The following ANKRD36C variants were observed in gnomAD, a reference collection of about 807,000 sequenced individuals.
ANKRD36C encodes ankyrin repeat domain 36C.
A neutral mutation model predicts 276.4 loss-of-function variants in ANKRD36C; 61 were observed. The ratio of observed to expected loss-of-function variants is 0.22; its 90% confidence interval spans 0.18 to 0.27. ANKRD36C has a LOEUF of 0.27. Ranked by LOEUF, ANKRD36C falls within the 10% of genes least tolerant of loss-of-function variation. The pLI, the probability that ANKRD36C is intolerant of heterozygous loss-of-function variation, is 1.00. For missense variants in ANKRD36C, 1,447 were observed against 2,032.3 expected (o/e 0.71, Z 5.54); for synonymous variants, 483 against 680.1 (o/e 0.71, Z 4.51).
At chr2:95,964,966 A>G (rs377429620) in intron 6 of ANKRD36C, among the ~76,000 whole-genome samples, 7 of 151,980 alleles carry the variant, frequency 4.6e-5, no homozygotes, top group East Asian at 3.9e-4. Context: ...TTTAACTCCA[A>G]TGACACTGCC....
At chr2:95,912,270 T>C (rs142909546) in exon 42 of ANKRD36C, 187 of 1,556,340 alleles carry the variant, frequency 1.2e-4, no homozygotes, top group Admixed American at 7.1e-4. Context: ...TCCATCCTTT[T>C]TTTCTCTGGT....
chr2:95,944,025 T>C (rs1677967989), intron 19 of ANKRD36C, among the ~76,000 whole-genome samples: 1 of 152,224 alleles, frequency 6.6e-6, no homozygotes, highest in Non-Finnish European at 1.5e-5. Flanking sequence ...ATGTTAAATA[T>C]AGTCACCCAT....
chr2:95,981,392 CATTCTAT>C (rs1452453926), intron 4 of ANKRD36C, among the ~76,000 whole-genome samples: 1 of 141,620 alleles, frequency 7.1e-6, no homozygotes, highest in African/African-American at 2.5e-5. Context: ...ATATAATATA[CATTCTAT>C]ATTATATATT....
At chr2:95,892,069 CA>C (rs1160457890) in intron 44 of ANKRD36C, among the ~76,000 whole-genome samples, 2 of 151,466 alleles carry the variant, frequency 1.3e-5, no homozygotes, top group Non-Finnish European at 3.0e-5. Flanking sequence ...TTTAGTATTT[CA>C]AACATGGTAT....
chr2:95,912,929 C>A (rs552309953), intron 40 of ANKRD36C, among the ~76,000 whole-genome samples: 31 of 151,340 alleles, frequency 2.0e-4, no homozygotes, highest in African/African-American at 5.3e-4. Flanking sequence ...ATGTACACTT[C>A]ACATCTCTTC....
intron 64 of ANKRD36C, chr2:95,853,164 A>G (rs1675330894): frequency 6.5e-6 from 1 of 154,182 alleles, no homozygotes; most frequent in Admixed American, 6.5e-5. Flanking sequence ...AGGAGTAACG[A>G]TTTTCATCGA....
At chr2:95,879,997 A>G (rs1676040760) in intron 58 of ANKRD36C, among the ~76,000 whole-genome samples, 1 of 141,756 alleles carries the variant, frequency 7.1e-6, no homozygotes, top group South Asian at 2.5e-4. Flanking sequence ...CCTGACCAAC[A>G]TGGAGAAAGC....
At chr2:95,856,028 A>G (rs779195714) in exon 63 of ANKRD36C, 1 of 1,611,172 alleles carries the variant, frequency 6.2e-7, no homozygotes, top group Non-Finnish European at 8.5e-7. Flanking sequence ...GAAGGTCTTC[A>G]TGCTTTCTTT....
At chr2:95,988,995 C>A (rs1301324304) in intron 1 of ANKRD36C, among the ~76,000 whole-genome samples, 1 of 152,230 alleles carries the variant, frequency 6.6e-6, no homozygotes, top group East Asian at 1.9e-4. Flanking sequence ...TGGTGAAACC[C>A]CGTCTTTACT....
At chr2:95,893,629 A>C in intron 44 of ANKRD36C, 24 bp from the exon 64 acceptor site, 6 of 1,589,084 alleles carry the variant, frequency 3.8e-6, no homozygotes, top group Non-Finnish European at 5.1e-6. Context: ...GAAATGAAAT[A>C]ATAAATAAAA....
chr2:95,986,975 C>T, intron 2 of ANKRD36C, 51 bp from the exon 3 acceptor site: 1 of 1,612,556 alleles, frequency 6.2e-7, no homozygotes, highest in Non-Finnish European at 8.5e-7. Flanking sequence ...TCAAAATAAA[C>T]ACTCCGTAGG....
At chr2:95,916,759 G>T (rs1001548798) in intron 36 of ANKRD36C, among the ~76,000 whole-genome samples, 2 of 151,630 alleles carry the variant, frequency 1.3e-5, no homozygotes, top group African/African-American at 4.8e-5. Context: ...CACCCATGTG[G>T]TGTAATAATT....
At chr2:95,907,367 G>C (rs1391128989) in intron 42 of ANKRD36C, 1 of 59,548 alleles carries the variant, frequency 1.7e-5, no homozygotes, top group Non-Finnish European at 3.3e-5. Flanking sequence ...ATATCTGTTT[G>C]CTGATACCTA....
At chr2:95,870,183 G>A (rs561540084) in intron 59 of ANKRD36C, among the ~76,000 whole-genome samples, 1 of 152,314 alleles carries the variant, frequency 6.6e-6, no homozygotes, top group East Asian at 1.9e-4. Flanking sequence ...CATGCAGCTG[G>A]AGATCTGAGA....
intron 46 of ANKRD36C, 136 bp from the exon 67 acceptor site, chr2:95,890,130 G>A (rs777668648): frequency 3.6e-5 from 43 of 1,197,084 alleles, no homozygotes; most frequent in South Asian, 6.5e-5. Flanking sequence ...ATATTGTGTC[G>A]GGGACAAGAA....
At position 95,891,970 on chromosome 2, in the gene ANKRD36C, G is replaced by A. The variant is rs1224518933; in HGVS notation, c.2756-110C>T. On this transcript the variant is annotated intron_variant, in intron 44 of 66. Coordinates refer to ENST00000456556, the Ensembl canonical transcript of ANKRD36C. ...CTGTCCTCCTGCCTGTATTAGCGTAGGCTTTGATGGCTTCTACTTTGTGTC... is the reference window on the plus strand; with the variant it reads ...CTGTCCTCCTGCCTGTATTAGCGTAAGCTTTGATGGCTTCTACTTTGTGTC... 4.6e-6 allele frequency: 7 copies of A among 1,505,570 alleles called. No individual in the cohort carries two copies. The Admixed American group carries it at 5.9e-5, about 13-fold the overall frequency. 93.3% of individuals were successfully genotyped at this position (1,505,570 alleles called of 1,614,324 possible). A position where few individuals can be genotyped will look rare whatever the true frequency, so the allele number is the denominator to read the frequency against.
chr2:95,856,075 G>A, exon 63 of ANKRD36C: 2 of 1,597,566 alleles, frequency 1.3e-6, no homozygotes, highest in African/African-American at 1.3e-5. Context: ...TTCTTTTCCA[G>A]GTTTTGGTTT....
At chr2:95,868,572 CT>C in intron 59 of ANKRD36C, among the ~76,000 whole-genome samples, 1 of 149,250 alleles carries the variant, frequency 6.7e-6, no homozygotes, top group African/African-American at 2.5e-5. Flanking sequence ...TTTTCACAGT[CT>C]ACTTTATTTG....
At chr2:95,914,889 T>C (rs1677046671) in intron 38 of ANKRD36C, among the ~76,000 whole-genome samples, 1 of 151,542 alleles carries the variant, frequency 6.6e-6, no homozygotes, top group African/African-American at 2.4e-5. Flanking sequence ...CTCACACCCA[T>C]GTGGTGTAAT....
Sources: gnomAD v4.1 joint callset for allele counts (sites outside exome capture counted in the v4.1 genomes callset) on GRCh38, gnomAD v4.1.1 for gene constraint, MANE v1.5 for transcripts, NCBI Gene and HGNC (gene_info 2026-07-23, HGNC 2026-07-21) for gene names.